VPS13D: variants seen among roughly 807,000 people sequenced by gnomAD.
The protein encoded by VPS13D is vacuolar protein sorting 13 homolog D.
A neutral mutation model predicts 461.9 loss-of-function variants in VPS13D; 187 were observed. The observed-to-expected ratio is 0.40, with a 90% CI of 0.36 to 0.46. The LOEUF (loss-of-function observed/expected upper bound fraction) is 0.46, where lower values mean the gene tolerates loss of function less well. Among genes scored for constraint, VPS13D ranks in the 20% least tolerant of loss-of-function variants. VPS13D has a pLI of 0.60. For synonymous variants in VPS13D, 1,951 were observed against 1,986.3 expected (o/e 0.98, Z 0.47); for missense variants, 4,711 against 5,364.9 (o/e 0.88, Z 3.81).
At position 12,385,303 on chromosome 1, in the gene VPS13D, T is replaced by A. The variant is rs1393061954; in HGVS notation, c.11414T>A (p.Val3805Glu). ...CHRKSSRSYE[V>E]DELPVTEQEL... ...CGGAAAAGCAGCCGTTCATATGAAGTGGATGAACTTCCTGTCACCGAACAA... is the reference window on the plus strand; with the variant it reads ...CGGAAAAGCAGCCGTTCATATGAAGAGGATGAACTTCCTGTCACCGAACAA... The change falls in exon 59 of 70, where the codon GTG (valine) becomes GAG (glutamate). Residue 3805 changes from valine to glutamate, a missense_variant. Physicochemically the swap from Val to Glu is moderately radical, Grantham distance 121. Around this residue, in one of 3 missense-constraint regions of VPS13D, gnomAD observed 4,411 missense variants for 4,937.8 expected, o/e 0.89. Coordinates refer to ENST00000620676, the MANE Select transcript of VPS13D (RefSeq NM_015378.4). 6.2e-7 allele frequency: 1 copy of A among 1,614,024 alleles called. No homozygotes were observed. The highest frequency in any genetic ancestry group is 1.7e-5 in the Admixed American group (1 of 60,022).
Position 12,308,650 on chromosome 1 carries a change from T to TC in VPS13D, c.6650+9_6650+10insC. The TC allele has an allele frequency of 8.0e-7, 1 of 1,243,784 alleles. No homozygotes were observed. The highest frequency in any genetic ancestry group is 1.5e-5 in the African/African-American group (1 of 66,034). The allele number at this position is 1,243,784 out of a possible 1,614,324, so 77.0% of individuals were successfully genotyped here. A position where few individuals can be genotyped will look rare whatever the true frequency, so the allele number is the denominator to read the frequency against. Reference sequence around the variant, plus strand: ...GAAAGGAATTTGGACAAGTGAGTGTTTTTTTTTTTTTTTGAGATGGAGTCT... The same window carrying TC: ...GAAAGGAATTTGGACAAGTGAGTGTTCTTTTTTTTTTTTTGAGATGGAGTCT... On this transcript the variant is annotated intron_variant, in intron 27 of 69. Transcript: ENST00000620676.
At chr1:12,249,486 G>A in intron 6 of VPS13D, 147 bp downstream of exon 6, 1 of 542,034 alleles carries the variant, frequency 1.8e-6, no homozygotes, top group Non-Finnish European at 3.1e-6. Flanking sequence ...TTGTGTATTT[G>A]CAACAAATCA....
In VPS13D at chr1:12,502,814, C is replaced by T. The variant is rs2100555255; in HGVS notation, c.12795-4039C>T. Reference sequence around the variant, plus strand: ...ATGTGTGGGGAAAGGAGGGGTCATCCCCCACAGGTTTGGGGTAACTGGGCA... The same window carrying T: ...ATGTGTGGGGAAAGGAGGGGTCATCTCCCACAGGTTTGGGGTAACTGGGCA... On this transcript the variant is annotated intron_variant, in intron 68 of 69. Transcript: ENST00000620676. This position sits in a 1 kb window ranked among gnomAD's most constrained non-coding sequence, Gnocchi z 4.3. 6.6e-6 allele frequency among the ~76,000 whole-genome samples: 1 copy of T among 152,088 alleles called. No homozygotes were observed. The highest frequency in any genetic ancestry group is 6.5e-5 in the Admixed American group (1 of 15,278).
At chr1:12,327,463 C>T (rs1290424091) in intron 35 of VPS13D, among the ~76,000 whole-genome samples, 185 bp from the exon 36 acceptor site, 2 of 133,574 alleles carry the variant, frequency 1.5e-5, no homozygotes, top group African/African-American at 2.8e-5. Flanking sequence ...CTGAGATTCC[C>T]TCCCACCCCC....
intron 67 of VPS13D, among the ~76,000 whole-genome samples, chr1:12,491,627 A>G (rs1348539613): frequency 5.3e-5 from 8 of 152,174 alleles, no homozygotes; most frequent in Non-Finnish European, 1.2e-4. Flanking sequence ...TCAGATAGCA[A>G]TGGCCAGATG....
chr1:12,329,742 G>T (rs1643281992), intron 36 of VPS13D, 87 bp from the exon 37 acceptor site: 5 of 909,708 alleles, frequency 5.5e-6, no homozygotes, highest in Non-Finnish European at 8.9e-6. Context: ...GCGAGTATTA[G>T]CTCTAATGTT....
At chr1:12,480,515 T>C (rs1645700377) in intron 67 of VPS13D, among the ~76,000 whole-genome samples, 1 of 152,174 alleles carries the variant, frequency 6.6e-6, no homozygotes. Flanking sequence ...GCTCTGGTAG[T>C]GAGTCCCAGG....
intron 63 of VPS13D, among the ~76,000 whole-genome samples, chr1:12,408,033 A>G (rs1413827045): frequency 9.9e-5 from 15 of 152,222 alleles, no homozygotes; most frequent in Admixed American, 9.2e-4. Flanking sequence ...TAAGCAAAGC[A>G]GTTGAGCTTA....
chr1:12,400,958 GCGCGCACACACACACA>G (rs1295825295), intron 61 of VPS13D, among the ~76,000 whole-genome samples: 1 of 80,438 alleles, frequency 1.2e-5, no homozygotes, highest in African/African-American at 4.9e-5. Flanking sequence ...GCACCTGCGC[GCGCGCACACACACACA>G]CACACACACA....
rs768184548 is a variant in VPS13D at position 12,342,959 on chromosome 1, C to G, written c.8793C>G (p.Leu2931=). 9 of 1,613,608 alleles carry G rather than the reference C, an allele frequency of 5.6e-6. No homozygotes were observed. The highest frequency in any genetic ancestry group is 6.8e-6 in the Non-Finnish European group (8 of 1,179,754). ...TTCCAGAAGGGAACGGAACATTTCTCGATGATACTCACAATGTTAGTGAAT... is the reference window on the plus strand; with the variant it reads ...TTCCAGAAGGGAACGGAACATTTCTGGATGATACTCACAATGTTAGTGAAT... ...GVVPEGNGTF[L]DDTHNVSEWR... is the part of the protein sequence containing the mutation. The change falls in exon 42 of 70, where the codon CTC becomes CTG. Residue 2931 remains leucine (L), a synonymous_variant. Transcript: ENST00000620676.
chr1:12,375,861 A>C (rs1025616289), intron 55 of VPS13D, among the ~76,000 whole-genome samples: 1 of 151,096 alleles, frequency 6.6e-6, no homozygotes, highest in Non-Finnish European at 1.5e-5. Flanking sequence ...CCCCATCCCC[A>C]CCACACACAC....
In VPS13D at chr1:12,368,603, A is replaced by G; in HGVS notation, c.10572+12A>G. On this transcript the variant is annotated intron_variant, in intron 53 of 69. Transcript: ENST00000620676. Reference sequence around the variant, plus strand: ...ACAACTTTTCTAAGGTATCAAGTGGAGCTGAGAGCCAGTTTGACTGTTTCA... The same window carrying G: ...ACAACTTTTCTAAGGTATCAAGTGGGGCTGAGAGCCAGTTTGACTGTTTCA... 1 of 1,609,404 alleles carries G rather than the reference A, an allele frequency of 6.2e-7. No homozygotes were observed. The highest frequency in any genetic ancestry group is 8.5e-7 in the Non-Finnish European group (1 of 1,177,554).
chr1:12,278,094 C>T (rs1339905561), intron 19 of VPS13D, 56 bp downstream of exon 19: 23 of 1,520,394 alleles, frequency 1.5e-5, no homozygotes, highest in Admixed American at 4.3e-5. Context: ...ACCCAGCTCA[C>T]GGAGTCCTTT....
At chr1:12,232,620 G>A (rs1442322295) in intron 1 of VPS13D, among the ~76,000 whole-genome samples, 1 of 112,856 alleles carries the variant, frequency 8.9e-6, no homozygotes, top group Non-Finnish European at 1.9e-5. Context: ...TTGACTTTTT[G>A]TAATACTAAA....
chr1:12,276,843 G>T lies in VPS13D; in HGVS notation c.3255G>T (p.Gln1085His), dbSNP rs562608497. 12 of 1,614,198 alleles carry T rather than the reference G, an allele frequency of 7.4e-6. No homozygotes were observed. In the South Asian group the frequency reaches 1.3e-4, roughly 18 times the overall value. ...AGTCCCTTATTAAGTTGGAATATCA[G>T]TTTGTGAGTTCAGAGTGCCCATCGA... ...EQESLIKLEYQFVSSECPSMN... is the reference protein window; with the variant it reads ...EQESLIKLEYHFVSSECPSMN... Residue 1085 changes from glutamine to histidine, a missense_variant, in exon 19 of 70, where the codon CAG (glutamine) becomes CAT (histidine). Around this residue, in one of 3 missense-constraint regions of VPS13D, gnomAD observed 4,411 missense variants for 4,937.8 expected, o/e 0.89. Coordinates refer to ENST00000620676, the MANE Select transcript of VPS13D (RefSeq NM_015378.4). This position sits in a 1 kb window ranked among gnomAD's most constrained non-coding sequence, Gnocchi z 4.5.
rs1646118915 is a variant in VPS13D at position 12,507,013 on chromosome 1, G to A, written c.12955G>A (p.Val4319Met). ...CCTTGTCTCCAAAGACCATGGGAAGGTGTATGTGCAGGTGACCAAGAAAGC... is the reference window on the plus strand; with the variant it reads ...CCTTGTCTCCAAAGACCATGGGAAGATGTATGTGCAGGTGACCAAGAAAGC... Reference protein sequence around the residue: ...HCLVSKDHGKVYVQVTKKAVS... With the variant: ...HCLVSKDHGKMYVQVTKKAVS... The change falls in exon 69 of 70, where the codon GTG (valine) becomes ATG (methionine). Residue 4319 changes from valine to methionine, a missense_variant. By Grantham distance (21) the Val-to-Met change is conservative. This residue lies in a region of VPS13D where 194 missense variants were observed against 220.9 expected (regional missense o/e 0.88). Transcript: ENST00000620676. The surrounding 1 kb of genome is among the most constrained non-coding windows in gnomAD (Gnocchi z 5.3). 6.2e-7 allele frequency: 1 copy of A among 1,614,266 alleles called. No individual in the cohort carries two copies. Among genetic ancestry groups the A allele is most frequent in the Non-Finnish European group, 8.5e-7 (1 of 1,180,052 alleles).
At chr1:12,302,866 C>T (rs1402541255) in intron 25 of VPS13D, among the ~76,000 whole-genome samples, 7 of 135,794 alleles carry the variant, frequency 5.2e-5, no homozygotes, top group South Asian at 4.7e-4. Context: ...TTCACTAGTA[C>T]GTTCTTGGTG....
intron 1 of VPS13D, among the ~76,000 whole-genome samples, chr1:12,232,372 G>A (rs1001395133): frequency 1.3e-5 from 2 of 152,210 alleles, no homozygotes; most frequent in Non-Finnish European, 2.9e-5. Flanking sequence ...TGGGATAGGT[G>A]TATCTTCTGG....
intron 7 of VPS13D, among the ~76,000 whole-genome samples, chr1:12,255,457 CT>C (rs1175068297): frequency 6.6e-6 from 1 of 151,954 alleles, no homozygotes; most frequent in Non-Finnish European, 1.5e-5. Context: ...TACAGAATGG[CT>C]TGGGTGGGAG....
Sources: gnomAD v4.1 joint callset for allele counts (sites outside exome capture counted in the v4.1 genomes callset) on GRCh38, gnomAD v4.1.1 for gene constraint, gnomAD v4.1.1 regional missense constraint, Gnocchi (gnomAD v3.1) non-coding constraint, MANE v1.5 for transcripts, NCBI Gene and HGNC (gene_info 2026-07-23, HGNC 2026-07-21) for gene names.